Variants in FHOD1 observed in about 807,000 individuals in gnomAD.
The protein encoded by FHOD1 is FH1/FH2 domain-containing protein 1.
Under a neutral mutation model 111.6 loss-of-function variants are expected in FHOD1, and 89 were observed. The ratio of observed to expected loss-of-function variants is 0.80; its 90% CI spans 0.67 to 0.95. The LOEUF is 0.95. Ranked by LOEUF, FHOD1 falls within the 40% of genes least tolerant of loss-of-function variation. FHOD1 has a pLI of 0.00. For synonymous variants in FHOD1, 618 were observed against 639.0 expected (o/e 0.97, Z 0.50); for missense variants, 1,446 against 1,554.2 (o/e 0.93, Z 1.17).
intron 1 of FHOD1, among the ~76,000 whole-genome samples, chr16:67,246,416 G>A (rs757408891): frequency 6.6e-6 from 1 of 152,234 alleles, no homozygotes; most frequent in Non-Finnish European, 1.5e-5. Flanking sequence ...CGAGAGGGAG[G>A]GGAGAGGAGG....
chr16:67,234,373 C>T lies in FHOD1; in HGVS notation c.1419G>A (p.Glu473=). ...AETLAGAMPN[E]AGGHPDARQL... is the part of the protein sequence containing the mutation. ...CCTACTCACCTGGGTGTCCACCCGC[C>T]TCATTGGGCATGGCCCCGGCAAGTG... The change falls in exon 12 of 22, where the codon GAG becomes GAA. Residue 473 remains glutamate (E), a synonymous_variant. Transcript: ENST00000258201. 6.2e-7 allele frequency: 1 copy of T among 1,610,892 alleles called. No homozygotes were observed. The highest frequency in any genetic ancestry group is 1.3e-5 in the African/African-American group (1 of 75,028).
At chr16:67,239,021 C>T in intron 2 of FHOD1, 54 bp from the exon 3 acceptor site, 1 of 1,578,586 alleles carries the variant, frequency 6.3e-7, no homozygotes, top group South Asian at 1.1e-5. Context: ...AGCATTCCTC[C>T]CCACAAGCCA....
chr16:67,235,543 A>AC (rs1196132720), intron 11 of FHOD1, among the ~76,000 whole-genome samples: 1 of 150,600 alleles, frequency 6.6e-6, no homozygotes, highest in East Asian at 1.9e-4. Flanking sequence ...AAAAAAAAAA[A>AC]CAAAAAAAAA....
At chr16:67,236,413 A>G (rs1258958903) in intron 11 of FHOD1, 144 bp downstream of exon 11, 6 of 1,474,806 alleles carry the variant, frequency 4.1e-6, no homozygotes, top group Non-Finnish European at 5.4e-6. Context: ...TCACTTACCA[A>G]ACGGAAGCAG....
Position 67,234,187 on chromosome 16 carries a change from G to A in FHOD1, c.1516C>T (p.Arg506Trp), listed in dbSNP as rs564483976. Residue 506 changes from arginine (R) to tryptophan (W), a missense_variant, in exon 13 of 22, where the codon CGG (arginine) becomes TGG (tryptophan). Arg to Trp is a moderately radical substitution (Grantham distance 101, BLOSUM62 -3). Coordinates refer to ENST00000258201, the MANE Select transcript of FHOD1 (RefSeq NM_013241.3). ...TCTGGTGCAAGGCTTCGCTGGGCCC[G>A]GAGCAGGACACAGGGGGCAGGGCTC... ...PQSPAPCVLL[R>W]AQRSLAPEPK... 1.9e-5 allele frequency: 29 copies of A among 1,549,634 alleles called. No homozygotes were observed. Among genetic ancestry groups the A allele is most frequent in the Middle Eastern group, 1.7e-4 (1 of 5,730 alleles).
intron 11 of FHOD1, 190 bp downstream of exon 11, chr16:67,236,367 G>A (rs2034474855): frequency 2.4e-5 from 35 of 1,436,280 alleles, no homozygotes; most frequent in Non-Finnish European, 3.2e-5. Flanking sequence ...ACAGGAGGAG[G>A]AGATCCAGTC....
In FHOD1 at chr16:67,247,479, A is replaced by AC; in HGVS notation, c.-70dup. The AC allele has an allele frequency of 6.6e-7, 1 of 1,510,062 alleles. No individual in the cohort carries two copies. The highest frequency in any genetic ancestry group is 9.0e-7 in the Non-Finnish European group (1 of 1,115,138). The allele number at this position is 1,510,062 out of a possible 1,614,324, so 93.5% of individuals were successfully genotyped here. A position where few individuals can be genotyped will look rare whatever the true frequency, so the allele number is the denominator to read the frequency against. On this transcript the variant is annotated 5_prime_UTR_variant, in exon 1 of 22. Coordinates refer to ENST00000258201, the MANE Select transcript of FHOD1 (RefSeq NM_013241.3). ...CCAGTGCAGCTTCTACTCAAAGCAC[A>AC]CTGTAGCTCCGCGGTTCGGGCCCGG...
At chr16:67,239,023 C>T in intron 2 of FHOD1, 56 bp from the exon 3 acceptor site, 2 of 1,576,902 alleles carry the variant, frequency 1.3e-6, no homozygotes, top group Non-Finnish European at 1.7e-6. Flanking sequence ...CATTCCTCCC[C>T]ACAAGCCAAG....
In FHOD1 at chr16:67,245,897, C is replaced by T. The variant is rs370112045; in HGVS notation, c.201+1313G>A. On this transcript the variant is annotated intron_variant, in intron 1 of 21. Coordinates refer to ENST00000258201, the MANE Select transcript of FHOD1 (RefSeq NM_013241.3). ...AGCGGGAACCAGTCTTAGTTCAGCA[C>T]TCCTGTCTTCCCAGCCCCCATCCTG... Among the ~76,000 whole-genome samples the T allele has an allele frequency of 1.3e-4, 20 of 152,326 alleles. 1 individual carries two copies. In the South Asian group the frequency reaches 4.1e-3, roughly 32 times the overall value.
At position 67,234,185 on chromosome 16, in the gene FHOD1, C is replaced by A. The variant is rs1257848678; in HGVS notation, c.1518G>T (p.Arg506=). 6.4e-7 allele frequency: 1 copy of A among 1,550,996 alleles called. No homozygotes were observed. The highest frequency in any genetic ancestry group is 2.3e-5 in the East Asian group (1 of 44,304). ...GCTCTGGTGCAAGGCTTCGCTGGGCCCGGAGCAGGACACAGGGGGCAGGGC... is the reference window on the plus strand; with the variant it reads ...GCTCTGGTGCAAGGCTTCGCTGGGCACGGAGCAGGACACAGGGGGCAGGGC... ...PQSPAPCVLL[R]AQRSLAPEPK... The change falls in exon 13 of 22, where the codon CGG becomes CGT. Residue 506 remains arginine, a synonymous_variant. Transcript: ENST00000258201.
chr16:67,230,929 GAC>G lies in FHOD1; in HGVS notation c.2668-140_2668-139del, dbSNP rs894733758. ...CCAAATCTCATAGACTAGTGCAAGA[GAC>G]ACAAGTCCATCTGATGTGAATGGGG... On this transcript the variant is annotated intron_variant, in intron 17 of 21. Coordinates refer to ENST00000258201, the MANE Select transcript of FHOD1 (RefSeq NM_013241.3). The G allele has an allele frequency of 2.9e-5, 28 of 971,114 alleles. No individual in the cohort carries two copies. In the African/African-American group the frequency reaches 4.1e-4, roughly 14 times the overall value. The allele number at this position is 971,114 out of a possible 1,614,324, so 60.2% of individuals were successfully genotyped here.
intron 2 of FHOD1, 136 bp from the exon 3 acceptor site, chr16:67,239,103 AG>A (rs2034596076): frequency 1.1e-6 from 1 of 880,936 alleles, no homozygotes; most frequent in Non-Finnish European, 1.8e-6. Flanking sequence ...CAAGAACCCA[AG>A]GGTTGGTCGG....
intron 10 of FHOD1, 31 bp downstream of exon 10, chr16:67,236,935 C>T (rs567795567): frequency 1.4e-6 from 2 of 1,449,134 alleles, no homozygotes; most frequent in Admixed American, 4.1e-5. Flanking sequence ...AGTAGATCCA[C>T]CCTTTCCCAT....
intron 1 of FHOD1, among the ~76,000 whole-genome samples, chr16:67,242,815 G>A (rs765839348): frequency 1.3e-5 from 2 of 152,098 alleles, no homozygotes; most frequent in African/African-American, 4.8e-5. Context: ...AACTGGTTAT[G>A]TATGGTTTTA....
rs764462854 is a variant in FHOD1 at position 67,237,361 on chromosome 16, G to C, written c.871C>G (p.Gln291Glu). ...INKTLAALPD[Q>E]DSFYDVTDAL... ...TCCGTCACATCGTAGAAGGAGTCCT[G>C]GTCCGGGAGCGCCGCCAGCGTCTGG... The change falls in exon 9 of 22, where the codon CAG becomes GAG. Residue 291 changes from glutamine (Q) to glutamate (E), a missense_variant. Physicochemically the swap from Gln to Glu is conservative, Grantham distance 29. Around this residue, in one of 3 missense-constraint regions of FHOD1, gnomAD observed 234 missense variants for 327.4 expected, o/e 0.71. Coordinates refer to ENST00000258201, the MANE Select transcript of FHOD1 (RefSeq NM_013241.3). The surrounding 1 kb of genome is among the most constrained non-coding windows in gnomAD (Gnocchi z 5.6). The C allele has an allele frequency of 1.9e-6, 3 of 1,613,868 alleles. No homozygotes were observed. In the East Asian group the frequency reaches 6.7e-5, roughly 36 times the overall value.
intron 1 of FHOD1, among the ~76,000 whole-genome samples, chr16:67,244,267 G>C (rs1467705186): frequency 6.6e-6 from 1 of 152,122 alleles, no homozygotes; most frequent in African/African-American, 2.4e-5. Flanking sequence ...GGGTATCGGA[G>C]AGGCTCCTGA....
Position 67,232,305 on chromosome 16 carries a change from CAGG to C in FHOD1, c.2047-114_2047-112del. On this transcript the variant is annotated intron_variant, in intron 13 of 21. Coordinates refer to ENST00000258201, the MANE Select transcript of FHOD1 (RefSeq NM_013241.3). Reference sequence around the variant, plus strand: ...GGCCAAGGCGGGTGGACCACGAGGTCAGGAGATCGAGACCATCCTGGCTAACAT... The same window carrying C: ...GGCCAAGGCGGGTGGACCACGAGGTCAGATCGAGACCATCCTGGCTAACAT... The C allele has an allele frequency of 1.2e-5, 12 of 1,016,250 alleles. 1 individual carries two copies. In the South Asian group the frequency reaches 1.5e-4, roughly 13 times the overall value. The allele number at this position is 1,016,250 out of a possible 1,614,324, so 63.0% of individuals were successfully genotyped here. A position where few individuals can be genotyped will look rare whatever the true frequency, so the allele number is the denominator to read the frequency against.
At chr16:67,245,622 G>C (rs1194995006) in intron 1 of FHOD1, among the ~76,000 whole-genome samples, 1 of 152,052 alleles carries the variant, frequency 6.6e-6, no homozygotes, top group African/African-American at 2.4e-5. Context: ...GCGCACACCT[G>C]TAATCCCAGC....
In FHOD1 at chr16:67,247,199, G is replaced by T. The variant is rs967531520; in HGVS notation, c.201+11C>A. ...CCCCGATCGCCCCAACCTTTCTCCG[G>T]CCTCCCTCACCTTGAGCGGCGCTCC... On this transcript the variant is annotated intron_variant, in intron 1 of 21. Coordinates refer to ENST00000258201, the MANE Select transcript of FHOD1 (RefSeq NM_013241.3). 6.5e-7 allele frequency: 1 copy of T among 1,539,646 alleles called. No homozygotes were observed.
Sources: gnomAD v4.1 joint callset for allele counts (sites outside exome capture counted in the v4.1 genomes callset) on GRCh38, gnomAD v4.1.1 for gene constraint, gnomAD v4.1.1 regional missense constraint, Gnocchi (gnomAD v3.1) non-coding constraint, MANE v1.5 for transcripts, NCBI Gene and HGNC (gene_info 2026-07-23, HGNC 2026-07-21) for gene names.